The following GJA1 variants were observed in gnomAD, a reference collection of about 807,000 sequenced individuals.
GJA1 encodes gap junction protein alpha 1.
Under a neutral mutation model 31.0 loss-of-function variants are expected in GJA1, and 9 were observed. The ratio of observed to expected loss-of-function variants is 0.29; its 90% CI spans 0.17 to 0.51. The LOEUF (loss-of-function observed/expected upper bound fraction) is 0.51. Ranked by LOEUF, GJA1 falls within the 20% of genes least tolerant of loss-of-function variation. The probability of loss-of-function intolerance (pLI) is 0.98; values close to 1 mark genes in which losing one functional copy is unlikely to be tolerated. For synonymous variants in GJA1, 186 were observed against 180.1 expected, an observed-to-expected ratio of 1.03 and a Z score of -0.26; for missense variants, 278 against 468.8, an observed-to-expected ratio of 0.59 and a Z score of 3.76.
chr6:121,442,580 A>G (rs1024161700), intron 1 of GJA1, among the ~76,000 whole-genome samples: 3 of 152,164 alleles, frequency 2.0e-5, no homozygotes, highest in Non-Finnish European at 2.9e-5. Flanking sequence ...ACTCCTAAAT[A>G]TTTTGAACAA....
rs757918014 is a variant in GJA1, at chr6:121,447,829, T to C, written c.982T>C (p.Ser328Pro). The change falls in exon 2 of 2, where the codon TCT becomes CCT. Residue 328 changes from serine to proline, a missense_variant. Ser to Pro is a moderately conservative substitution (Grantham distance 74). This residue lies in a region of GJA1 where 172 missense variants were observed against 190.9 expected (regional missense o/e 0.90). Transcript: ENST00000282561. ...NRMGQAGSTI[S>P]NSHAQPFDFP... Reference sequence around the variant, plus strand: ...AATGGGGCAGGCGGGAAGCACCATCTCTAACTCCCATGCACAGCCTTTTGA... The same window carrying C: ...AATGGGGCAGGCGGGAAGCACCATCCCTAACTCCCATGCACAGCCTTTTGA... 1 of 1,613,870 alleles carries C rather than the reference T, an allele frequency of 6.2e-7. No homozygotes were observed.
rs1268440925 is a variant in GJA1, at chr6:121,449,137, C to T, written c.*1141C>T. 3 of 166,634 alleles carry T rather than the reference C, an allele frequency of 1.8e-5. No homozygotes were observed. Among genetic ancestry groups the T allele is most frequent in the East Asian group, 3.9e-4 (2 of 5,188 alleles). 10.3% of individuals were successfully genotyped at this position (166,634 alleles called of 1,614,324 possible). A position where few individuals can be genotyped will look rare whatever the true frequency, so the allele number is the denominator to read the frequency against. ...TAATGCTATTACTGAAATGAATTTC[C>T]TTTTTCTGAAATGTAATCATTGATG... On this transcript the variant is annotated 3_prime_UTR_variant, in exon 2 of 2. Transcript: ENST00000282561.
chr6:121,437,886 C>A (rs1773695998), intron 1 of GJA1, among the ~76,000 whole-genome samples: 3 of 152,090 alleles, frequency 2.0e-5, no homozygotes. Flanking sequence ...CATTTGAACT[C>A]GGTGAAAAGT....
At chr6:121,441,128 ATTT>A (rs1188797106) in intron 1 of GJA1, among the ~76,000 whole-genome samples, 1 of 151,770 alleles carries the variant, frequency 6.6e-6, no homozygotes, top group Non-Finnish European at 1.5e-5. Context: ...TATTTTTTTT[ATTT>A]TTAGTAGAGA....
At chr6:121,440,545 GT>G (rs1309101552) in intron 1 of GJA1, among the ~76,000 whole-genome samples, 2 of 151,452 alleles carry the variant, frequency 1.3e-5, no homozygotes, top group African/African-American at 2.4e-5. Context: ...GATGACAATA[GT>G]TTTTTACTGT....
At chr6:121,436,184 T>TGGTG (rs201190467) in intron 1 of GJA1, among the ~76,000 whole-genome samples, 1 of 29,854 alleles carries the variant, frequency 3.3e-5, no homozygotes, top group Non-Finnish European at 7.4e-5. Context: ...ATTTGTTGGG[T>TGGTG]GGGGGGGGGG....
At chr6:121,435,915 TA>T (rs1308987470) in intron 1 of GJA1, 83 bp downstream of exon 1, 3 of 152,160 alleles carry the variant, frequency 2.0e-5, no homozygotes, top group Non-Finnish European at 4.4e-5. Context: ...TAAAATGTGT[TA>T]AATGTAATTT....
At chr6:121,440,207 CTTT>C (rs3840370) in intron 1 of GJA1, among the ~76,000 whole-genome samples, 3 of 145,670 alleles carry the variant, frequency 2.1e-5, no homozygotes, top group African/African-American at 7.5e-5. Context: ...GTGTTTTTTC[CTTT>C]TTTTTTTTGT....
chr6:121,438,478 A>G (rs1318270150), intron 1 of GJA1, among the ~76,000 whole-genome samples: 1 of 152,134 alleles, frequency 6.6e-6, no homozygotes, highest in African/African-American at 2.4e-5. Flanking sequence ...AAGGAGGGAA[A>G]ACACGGGGTG....
intron 1 of GJA1, among the ~76,000 whole-genome samples, 156 bp downstream of exon 1, chr6:121,435,988 A>C (rs1742518235): frequency 6.6e-6 from 1 of 152,148 alleles, no homozygotes; most frequent in African/African-American, 2.4e-5. Flanking sequence ...TTTAAAGTTA[A>C]AATTTATTGT....
chr6:121,441,009 C>G (rs917609908), intron 1 of GJA1, among the ~76,000 whole-genome samples: 1 of 151,978 alleles, frequency 6.6e-6, no homozygotes. Flanking sequence ...GTGGCGCGAT[C>G]CCGGCTCACT....
chr6:121,447,090 G>A lies in GJA1; in HGVS notation c.243G>A (p.Gln81=). 2 of 1,613,966 alleles carry A rather than the reference G, an allele frequency of 1.2e-6. No individual in the cohort carries two copies. Among genetic ancestry groups the A allele is most frequent in the Non-Finnish European group, 1.7e-6 (2 of 1,179,856 alleles). ...CTCATGTGCGCTTCTGGGTCCTGCA[G>A]ATCATATTTGTGTCTGTACCCACAC... ...PISHVRFWVL[Q]IIFVSVPTLL... The change falls in exon 2 of 2, where the codon CAG becomes CAA. Residue 81 remains glutamine (Q), a synonymous_variant. Coordinates refer to ENST00000282561, the MANE Select transcript of GJA1 (RefSeq NM_000165.5).
At chr6:121,445,284 T>C (rs113851783) in intron 1 of GJA1, among the ~76,000 whole-genome samples, 4,695 of 152,268 alleles carry the variant, frequency 0.031, 148 homozygotes, top group African/African-American at 0.078. Flanking sequence ...TAGCTGGGAC[T>C]ACAGGCTCCC....
chr6:121,447,341 T>C lies in GJA1; in HGVS notation c.494T>C (p.Phe165Ser). The stretch of plus-strand genomic sequence containing the variant: ...ATCAGTATCCTCTTCAAGTCTATCT[T>C]TGAGGTGGCCTTCTTGCTGATCCAG... ...YIISILFKSI[F>S]EVAFLLIQWY... The change falls in exon 2 of 2, where the codon TTT becomes TCT. Residue 165 changes from phenylalanine (F) to serine (S), a missense_variant. This residue lies in a region of GJA1 where 80 missense variants were observed against 163.5 expected (regional missense o/e 0.49). Coordinates refer to ENST00000282561, the MANE Select transcript of GJA1 (RefSeq NM_000165.5). 1 of 1,614,086 alleles carries C rather than the reference T, an allele frequency of 6.2e-7. No individual in the cohort carries two copies. The highest frequency in any genetic ancestry group is 8.5e-7 in the Non-Finnish European group (1 of 1,179,994).
chr6:121,445,923 A>C (rs751618152), intron 1 of GJA1, among the ~76,000 whole-genome samples: 12 of 151,978 alleles, frequency 7.9e-5, no homozygotes, highest in Admixed American at 7.9e-4. Flanking sequence ...GTGAAATCCT[A>C]TCTCTAAAAA....
rs564270167 is a variant in GJA1 at position 121,440,827 on chromosome 6, C to T, written c.-17+4995C>T. Among the ~76,000 whole-genome samples, 65 of 152,174 alleles carry T rather than the reference C, an allele frequency of 4.3e-4. 1 individual carries two copies. In the South Asian group the frequency reaches 9.1e-3, roughly 21 times the overall value. On this transcript the variant is annotated intron_variant, in intron 1 of 1. Coordinates refer to ENST00000282561, the MANE Select transcript of GJA1 (RefSeq NM_000165.5). The stretch of plus-strand genomic sequence containing the variant: ...TGTGATCTCTGCTCACTGCAGCCTC[C>T]GCCTCCCGGGTTCAAGCAATTCTCC...
Position 121,448,700 on chromosome 6 carries a change from C to G in GJA1, c.*704C>G, listed in dbSNP as rs1467988459. 1 of 167,276 alleles carries G rather than the reference C, an allele frequency of 6.0e-6. No homozygotes were observed. Among genetic ancestry groups the G allele is most frequent in the Non-Finnish European group, 1.5e-5 (1 of 68,372 alleles). The allele number at this position is 167,276 out of a possible 1,614,324, so 10.4% of individuals were successfully genotyped here. A position where few individuals can be genotyped will look rare whatever the true frequency, so the allele number is the denominator to read the frequency against. ...CTTTTTCATCATTCCTCAGCTACTA[C>G]TCACATTCATTTAATGGTTTCTGTA... is the stretch of plus-strand genomic sequence containing the variant. On this transcript the variant is annotated 3_prime_UTR_variant, in exon 2 of 2. Coordinates refer to ENST00000282561, the MANE Select transcript of GJA1 (RefSeq NM_000165.5).
chr6:121,445,785 C>T (rs1018824371), intron 1 of GJA1, among the ~76,000 whole-genome samples: 1 of 152,052 alleles, frequency 6.6e-6, no homozygotes, highest in Non-Finnish European at 1.5e-5. Flanking sequence ...TCCATACAGC[C>T]TACTTTTTCT....
intron 1 of GJA1, among the ~76,000 whole-genome samples, chr6:121,438,199 A>G (rs1773701362): frequency 6.6e-6 from 1 of 152,192 alleles, no homozygotes; most frequent in Non-Finnish European, 1.5e-5. Flanking sequence ...AAGTCAGGGT[A>G]GACTGGTTAC....
Sources: allele counts gnomAD v4.1 joint callset (sites outside exome capture counted in the v4.1 genomes callset), GRCh38; gene constraint gnomAD v4.1.1; regional missense constraint gnomAD v4.1.1; transcripts MANE v1.5; gene names NCBI Gene and HGNC (gene_info 2026-07-23, HGNC 2026-07-21).